RFC1: variants seen among roughly 807,000 people sequenced by gnomAD.
RFC1 encodes A1 140 kDa subunit.
RFC1 carries 37 observed loss-of-function variants against 137.4 expected under a neutral mutation model. The observed-to-expected ratio is 0.27, with a 90% CI of 0.21 to 0.35. The LOEUF (loss-of-function observed/expected upper bound fraction) is 0.35. Ranked by LOEUF, RFC1 falls within the 10% of genes least tolerant of loss-of-function variation. The pLI is 1.00. For missense variants in RFC1, 1,205 were observed against 1,358.5 expected, an observed-to-expected ratio of 0.89 and a Z score of 1.78; for synonymous variants, 429 against 455.7, an observed-to-expected ratio of 0.94 and a Z score of 0.75.
intron 1 of RFC1, among the ~76,000 whole-genome samples, chr4:39,359,328 A>C (rs987577224): frequency 8.5e-5 from 13 of 152,216 alleles, no homozygotes; most frequent in South Asian, 2.1e-4. Flanking sequence ...TCAATCAACA[A>C]GTAGATAAAG....
chr4:39,317,310 T>C (rs1739287694), intron 9 of RFC1, among the ~76,000 whole-genome samples: 2 of 152,214 alleles, frequency 1.3e-5, no homozygotes, highest in African/African-American at 4.8e-5. Context: ...CAAAAAGTGT[T>C]TTACTTTAGG....
chr4:39,309,843 T>C (rs951532484), intron 12 of RFC1, among the ~76,000 whole-genome samples: 10 of 152,198 alleles, frequency 6.6e-5, no homozygotes, highest in African/African-American at 2.2e-4. Context: ...TTTAAAAAAA[T>C]TAGTGCCTCT....
intron 2 of RFC1, 64 bp from the exon 3 acceptor site, chr4:39,345,540 A>C (rs1421100692): frequency 8.2e-7 from 1 of 1,224,992 alleles, no homozygotes; most frequent in Non-Finnish European, 1.1e-6. Flanking sequence ...TTTTTTTTTG[A>C]GACGGAGTCT....
rs757709074 is a variant in RFC1, at chr4:39,312,868, G to A, written c.1267C>T (p.Arg423Ter). The A allele has an allele frequency of 4.3e-6, 7 of 1,613,986 alleles. No homozygotes were observed. Among genetic ancestry groups the A allele is most frequent in the East Asian group, 2.2e-5 (1 of 44,880 alleles). Residue 423 changes from arginine to a stop codon, truncating the protein, a stop_gained, in exon 11 of 25, where the codon CGA becomes TGA. Coordinates refer to ENST00000349703, the MANE Select transcript of RFC1 (RefSeq NM_002913.5). LOFTEE classifies it high-confidence loss of function. Reference sequence around the variant, plus strand: ...TCAATTAGAGACTTGGCCTCATCTCGTTCAATAGACTCCAGCACGCCTGTG... The same window carrying A: ...TCAATTAGAGACTTGGCCTCATCTCATTCAATAGACTCCAGCACGCCTGTG... ...VITGVLESIE[R>*]DEAKSLIERY...
chr4:39,330,720 G>T (rs1410920844), intron 4 of RFC1, among the ~76,000 whole-genome samples: 1 of 152,174 alleles, frequency 6.6e-6, no homozygotes, highest in East Asian at 1.9e-4. Flanking sequence ...GCAACCGAAA[G>T]AGTTAAATTA....
At chr4:39,359,561 G>T (rs1011172686) in intron 1 of RFC1, among the ~76,000 whole-genome samples, 1 of 152,174 alleles carries the variant, frequency 6.6e-6, no homozygotes, top group Non-Finnish European at 1.5e-5. Context: ...GGTCGCTCAA[G>T]CCTGTAATCC....
chr4:39,290,111 A>G (rs1737588493), intron 23 of RFC1, 72 bp from the exon 24 acceptor site: 1 of 1,141,058 alleles, frequency 8.8e-7, no homozygotes, highest in South Asian at 1.5e-5. Flanking sequence ...CTGTAAGCCT[A>G]AAGAGACCCT....
In RFC1 at chr4:39,300,378, C is replaced by CA; in HGVS notation, c.2571dup (p.Gly858TrpfsTer19). 6.2e-7 allele frequency: 1 copy of CA among 1,614,084 alleles called. No individual in the cohort carries two copies. The highest frequency in any genetic ancestry group is 1.1e-5 in the South Asian group (1 of 91,076). On this transcript the variant is annotated frameshift_variant, in exon 20 of 25. Coordinates refer to ENST00000349703, the MANE Select transcript of RFC1 (RefSeq NM_002913.5). LOFTEE classifies it high-confidence loss of function. ...AGTGACATGTGAGCAGTCTCCTCTCCAGCTGCAAACACTTTCCGGGCAACA... is the reference window on the plus strand; with the variant it reads ...AGTGACATGTGAGCAGTCTCCTCTCCAAGCTGCAAACACTTTCCGGGCAACA...
At chr4:39,336,554 G>A (rs948445597) in intron 4 of RFC1, among the ~76,000 whole-genome samples, 1 of 152,242 alleles carries the variant, frequency 6.6e-6, no homozygotes, top group Non-Finnish European at 1.5e-5. Context: ...TCTGATAAGA[G>A]GCAGGGTTTC....
At chr4:39,331,079 T>C (rs1393086815) in intron 4 of RFC1, among the ~76,000 whole-genome samples, 1 of 152,170 alleles carries the variant, frequency 6.6e-6, no homozygotes, top group Admixed American at 6.5e-5. Context: ...ATTGAGAATA[T>C]AATCTCAAAG....
chr4:39,312,461 G>A (rs567418025), intron 11 of RFC1, among the ~76,000 whole-genome samples: 3 of 151,774 alleles, frequency 2.0e-5, no homozygotes, highest in Non-Finnish European at 4.4e-5. Context: ...GGAATACTTC[G>A]GACTGGAAGA....
chr4:39,316,905 G>C lies in RFC1; in HGVS notation c.1203+10C>G. The C allele has an allele frequency of 1.3e-6, 2 of 1,582,210 alleles. No individual in the cohort carries two copies. Among genetic ancestry groups the C allele is most frequent in the Non-Finnish European group, 8.7e-7 (1 of 1,151,034 alleles). Reference sequence around the variant, plus strand: ...CCTCACAGAATGGCATGCCCTCTCAGTACTCTTACCTTTGGTATTTCTTTG... The same window carrying C: ...CCTCACAGAATGGCATGCCCTCTCACTACTCTTACCTTTGGTATTTCTTTG... On this transcript the variant is annotated intron_variant, in intron 10 of 24. Coordinates refer to ENST00000349703, the MANE Select transcript of RFC1 (RefSeq NM_002913.5).
chr4:39,348,434 G>GAAAAGAAAAGAAAAGAAAAGAAAAGAA (rs1560619923), intron 2 of RFC1, among the ~76,000 whole-genome samples: 13 of 86,922 alleles, frequency 1.5e-4, no homozygotes, highest in African/African-American at 5.5e-4. Context: ...AAAAAGAAAA[G>GAAAAGAAAAGAAAAGAAAAGAAAAGAA]AAAAGAAAAG....
intron 4 of RFC1, among the ~76,000 whole-genome samples, chr4:39,339,193 G>C (rs1740497809): frequency 6.6e-6 from 1 of 152,004 alleles, no homozygotes; most frequent in African/African-American, 2.4e-5. Context: ...TGTGCATAAT[G>C]CTGCAATGAA....
At chr4:39,298,585 G>T (rs192938367) in intron 21 of RFC1, among the ~76,000 whole-genome samples, 59 of 152,220 alleles carry the variant, frequency 3.9e-4, no homozygotes, top group Middle Eastern at 3.4e-3. Context: ...TAGCAAGGAA[G>T]AAAATCCGAA....
chr4:39,352,926 T>C (rs753189570), intron 1 of RFC1, among the ~76,000 whole-genome samples: 1 of 152,136 alleles, frequency 6.6e-6, no homozygotes, highest in Non-Finnish European at 1.5e-5. Context: ...GAAATGCCTA[T>C]AAAAGTACTT....
At chr4:39,334,476 G>T (rs1578148329) in intron 4 of RFC1, among the ~76,000 whole-genome samples, 2 of 152,164 alleles carry the variant, frequency 1.3e-5, no homozygotes, top group Admixed American at 1.3e-4. Flanking sequence ...AACAGGTGTT[G>T]CTGTGAGGAT....
At chr4:39,302,186 AG>A (rs1738393028) in intron 19 of RFC1, 91 bp downstream of exon 19, 2 of 763,860 alleles carry the variant, frequency 2.6e-6, no homozygotes, top group African/African-American at 3.4e-5. Context: ...AGGCATACCA[AG>A]GAACTATAAT....
chr4:39,317,529 G>T (rs1056210658), intron 9 of RFC1, among the ~76,000 whole-genome samples: 2 of 151,956 alleles, frequency 1.3e-5, no homozygotes, highest in African/African-American at 4.8e-5. Flanking sequence ...CTCAAAGAAG[G>T]TACAAGCTTT....
Sources: allele counts gnomAD v4.1 joint callset (sites outside exome capture counted in the v4.1 genomes callset), GRCh38; gene constraint gnomAD v4.1.1; transcripts MANE v1.5; gene names NCBI Gene and HGNC (gene_info 2026-07-23, HGNC 2026-07-21).